The following GOSR2 variants were observed in gnomAD, a reference collection of about 807,000 sequenced individuals.
GOSR2 encodes golgi SNAP receptor complex member 2, also known as 27 kDa Golgi SNARE protein.
GOSR2 carries 20 observed loss-of-function variants against 27.9 expected under a neutral mutation model. That is an observed-to-expected ratio of 0.72 (90% CI 0.50 to 1.04). The LOEUF is 1.04. Among genes scored for constraint, GOSR2 ranks in the 50% least tolerant of loss-of-function variants. GOSR2 has a pLI of 0.00. For synonymous variants in GOSR2, 91 were observed against 98.8 expected, an observed-to-expected ratio of 0.92 and a Z score of 0.47; for missense variants, 261 against 270.5, an observed-to-expected ratio of 0.97 and a Z score of 0.25.
Position 46,939,571 on chromosome 17 carries a change from G to A in GOSR2, c.*811G>A, listed in dbSNP as rs565223505. On this transcript the variant is annotated 3_prime_UTR_variant, in exon 6 of 6. Coordinates refer to ENST00000640051, the MANE Select transcript of GOSR2 (RefSeq NM_004287.5). ...CTTTGCCCCTTAGAAAGTAGCTGTA[G>A]GCAAAGATTTGTGATTTTCCAATTA... is the stretch of plus-strand genomic sequence containing the variant. 120 of 985,396 alleles carry A rather than the reference G, an allele frequency of 1.2e-4. No homozygotes were observed. The Admixed American group carries it at 1.6e-3, about 13-fold the overall frequency. The allele number at this position is 985,396 out of a possible 1,614,324, so 61.0% of individuals were successfully genotyped here.
intron 2 of GOSR2, 93 bp from the exon 3 acceptor site, chr17:46,931,004 TTA>T (rs1568169435): frequency 5.3e-6 from 4 of 753,168 alleles, no homozygotes; most frequent in Non-Finnish European, 9.7e-6. Context: ...TAGTTCTAGT[TTA>T]TTGGATATTG....
At chr17:46,936,645 A>G (rs1344663254) in intron 5 of GOSR2, 1 of 985,016 alleles carries the variant, frequency 1.0e-6, no homozygotes, top group Admixed American at 6.2e-5. Context: ...AAATGAATAC[A>G]TTTTTTGAAA....
At chr17:46,946,378 T>G (rs1313736362), downstream of GOSR2, among the ~76,000 whole-genome samples, 1 of 150,092 alleles carries the variant, frequency 6.7e-6, no homozygotes, top group Non-Finnish European at 1.5e-5. Flanking sequence ...GGAGAATTGC[T>G]TGAACCTGGG....
chr17:46,944,241 A>G (rs1479626422), downstream of GOSR2, among the ~76,000 whole-genome samples: 1 of 152,216 alleles, frequency 6.6e-6, no homozygotes, highest in Admixed American at 6.5e-5. Flanking sequence ...AGTTGGAGAC[A>G]AGCAGCCCTC....
chr17:46,931,794 C>A (rs2087433421), intron 3 of GOSR2: 1 of 524,944 alleles, frequency 1.9e-6, no homozygotes, highest in African/African-American at 1.9e-5. Context: ...TGCTTCCTGT[C>A]CCCTGTTCTC....
At position 46,939,198 on chromosome 17, in the gene GOSR2, C is replaced by T; in HGVS notation, c.*438C>T. 9.3e-7 allele frequency: 1 copy of T among 1,078,970 alleles called. No homozygotes were observed. Among genetic ancestry groups the T allele is most frequent in the Non-Finnish European group, 1.1e-6 (1 of 882,918 alleles). The allele number at this position is 1,078,970 out of a possible 1,614,324, so 66.8% of individuals were successfully genotyped here. On this transcript the variant is annotated 3_prime_UTR_variant, in exon 6 of 6. Transcript: ENST00000640051. The stretch of plus-strand genomic sequence containing the variant: ...AAAAGTGGAAAGGAAAGGAAAGAGG[C>T]CTTTTCTCACAGCCATTATATTAAA...
rs2089333417 is a variant in GOSR2, at chr17:46,941,936, A to G, written c.*3176A>G. 1 of 985,210 alleles carries G rather than the reference A, an allele frequency of 1.0e-6. No individual in the cohort carries two copies. Among genetic ancestry groups the G allele is most frequent in the Non-Finnish European group, 1.2e-6 (1 of 829,870 alleles). The allele number at this position is 985,210 out of a possible 1,614,324, so 61.0% of individuals were successfully genotyped here. A position where few individuals can be genotyped will look rare whatever the true frequency, so the allele number is the denominator to read the frequency against. ...TTTGGAACCACTGTCTCCTAGACAG[A>G]AAGCTTCTGTCTCAAAGATGATCAC... is the stretch of plus-strand genomic sequence containing the variant. On this transcript the variant is annotated 3_prime_UTR_variant, in exon 6 of 6. Transcript: ENST00000640051.
intron 6 of GOSR2, among the ~76,000 whole-genome samples, chr17:46,960,942 A>G (rs1293728252): frequency 1.3e-5 from 2 of 152,240 alleles, no homozygotes; most frequent in African/African-American, 4.8e-5. Flanking sequence ...TTGTCAAAAT[A>G]TATAGTGCTC....
rs955755714 is a variant in GOSR2, at chr17:46,939,603, C to T, written c.*843C>T. 4.1e-6 allele frequency: 4 copies of T among 985,476 alleles called. No homozygotes were observed. The African/African-American group carries it at 7.0e-5, about 17-fold the overall frequency. The allele number at this position is 985,476 out of a possible 1,614,324, so 61.0% of individuals were successfully genotyped here. A position where few individuals can be genotyped will look rare whatever the true frequency, so the allele number is the denominator to read the frequency against. ...ATTTGTGATTTTCCAATTACAGTCT[C>T]AGCTCTAGTTTTAGTATCTCTAATT... On this transcript the variant is annotated 3_prime_UTR_variant, in exon 6 of 6. Coordinates refer to ENST00000640051, the MANE Select transcript of GOSR2 (RefSeq NM_004287.5).
At chr17:46,936,098 C>T in intron 5 of GOSR2, 7 of 985,916 alleles carry the variant, frequency 7.1e-6, no homozygotes, top group Non-Finnish European at 8.4e-6. Context: ...CACTCACCTC[C>T]TGCTGACAGT....
chr17:46,966,118 G>A (rs16941378), intron 6 of GOSR2, among the ~76,000 whole-genome samples: 5,992 of 151,910 alleles, frequency 0.039, 236 homozygotes, highest in African/African-American at 0.1. Context: ...CTTCATCATC[G>A]TCACCAGTAG....
downstream of GOSR2, among the ~76,000 whole-genome samples, chr17:46,946,461 CAA>C (rs61284512): frequency 0.32 from 32,079 of 98,794 alleles, 4,091 homozygotes; most frequent in South Asian, 0.51. Flanking sequence ...AACTCCGTCT[CAA>C]AAAAAAAAAA....
Position 46,930,829 on chromosome 17 carries a change from A to G in GOSR2, c.95-270A>G, listed in dbSNP as rs191799627. 254 of 399,900 alleles carry G rather than the reference A, an allele frequency of 6.4e-4. 2 individuals carry two copies. The highest frequency in any genetic ancestry group is 1.3e-4 in the Non-Finnish European group (28 of 220,976). The allele number at this position is 399,900 out of a possible 1,614,324, so 24.8% of individuals were successfully genotyped here. On this transcript the variant is annotated intron_variant, in intron 2 of 5. Coordinates refer to ENST00000640051, the MANE Select transcript of GOSR2 (RefSeq NM_004287.5). The stretch of plus-strand genomic sequence containing the variant: ...CTTTGCATGTTTATTTTCTAAAGGT[A>G]GGAAATTTATTTCTACAGATTTACC...
chr17:46,927,250 G>A (rs1486418029), intron 1 of GOSR2, among the ~76,000 whole-genome samples: 1 of 151,770 alleles, frequency 6.6e-6, no homozygotes, highest in Non-Finnish European at 1.5e-5. Flanking sequence ...GTATTGATTT[G>A]TAACAATTCT....
chr17:46,935,286 A>T, intron 5 of GOSR2, 117 bp downstream of exon 5: 2 of 1,584,928 alleles, frequency 1.3e-6, no homozygotes, highest in Middle Eastern at 1.7e-4. Flanking sequence ...TTTGATGACA[A>T]GACAGAGCCC....
chr17:46,973,583 C>T (rs2091414938), intron 6 of GOSR2, among the ~76,000 whole-genome samples: 1 of 152,184 alleles, frequency 6.6e-6, no homozygotes, highest in African/African-American at 2.4e-5. Context: ...AGAACTATGA[C>T]TGCAAGGGTG....
downstream of GOSR2, among the ~76,000 whole-genome samples, chr17:46,944,396 A>G (rs1449889815): frequency 6.6e-6 from 1 of 152,150 alleles, no homozygotes; most frequent in Non-Finnish European, 1.5e-5. Flanking sequence ...AATGGGGGTA[A>G]CACCTGTCCC....
intron 1 of GOSR2, chr17:46,923,537 A>G (rs1198781813): frequency 7.5e-7 from 1 of 1,328,080 alleles, no homozygotes; most frequent in Non-Finnish European, 9.6e-7. Context: ...GCACTTGTCA[A>G]CTCGGTGCTC....
chr17:46,933,539 C>T (rs1205320398), intron 4 of GOSR2: 2 of 151,898 alleles, frequency 1.3e-5, no homozygotes, highest in Admixed American at 6.6e-5. Context: ...TGACGCCTAT[C>T]TGTGAGGAGC....
Sources: gnomAD v4.1 joint callset for allele counts (sites outside exome capture counted in the v4.1 genomes callset) on GRCh38, gnomAD v4.1.1 for gene constraint, MANE v1.5 for transcripts, NCBI Gene and HGNC (gene_info 2026-07-23, HGNC 2026-07-21) for gene names.